Variants in KLF12 observed in about 807,000 individuals in gnomAD.
KLF12 encodes Krueppel-like factor 12.
A neutral mutation model predicts 37.8 loss-of-function variants in KLF12; 9 were observed. The ratio of observed to expected loss-of-function variants is 0.24; its 90% CI spans 0.14 to 0.42. The LOEUF is 0.42. KLF12 is among the 10% of genes least tolerant of loss of function. The pLI, the probability that KLF12 is intolerant of heterozygous loss-of-function variation, is 1.00. For missense variants in KLF12, 411 were observed against 516.0 expected, an observed-to-expected ratio of 0.80 and a Z score of 1.97; for synonymous variants, 208 against 202.1, an observed-to-expected ratio of 1.03 and a Z score of -0.25.
intron 5 of KLF12, among the ~76,000 whole-genome samples, chr13:73,791,397 T>C (rs1044520703): frequency 2.6e-5 from 4 of 152,102 alleles, no homozygotes; most frequent in African/African-American, 9.7e-5. Context: ...CTGTCATTCT[T>C]TTTTTTTCCT....
chr13:73,717,889 G>T (rs1185318725), intron 6 of KLF12, among the ~76,000 whole-genome samples: 3 of 152,142 alleles, frequency 2.0e-5, no homozygotes, highest in African/African-American at 7.2e-5. Context: ...GGTGATAACA[G>T]AGCAACAGTA....
intron 1 of KLF12, among the ~76,000 whole-genome samples, chr13:74,036,674 G>A (rs925540936): frequency 2.6e-5 from 4 of 152,182 alleles, no homozygotes; most frequent in African/African-American, 9.7e-5. Flanking sequence ...CCTGTGGTGG[G>A]ACAGGAGGCA....
intron 6 of KLF12, among the ~76,000 whole-genome samples, chr13:73,722,648 TGA>T (rs879814170): frequency 3.9e-5 from 6 of 152,228 alleles, no homozygotes; most frequent in Admixed American, 2.0e-4. Context: ...AAGCTGTGAC[TGA>T]GACATTATAT....
intron 3 of KLF12, among the ~76,000 whole-genome samples, chr13:73,853,869 C>T: frequency 6.6e-6 from 1 of 152,094 alleles, no homozygotes; most frequent in East Asian, 1.9e-4. Context: ...TTTTCTTTTA[C>T]CATATAACTA....
chr13:73,763,022 C>G (rs1011657317), intron 6 of KLF12, among the ~76,000 whole-genome samples: 1 of 152,160 alleles, frequency 6.6e-6, no homozygotes, highest in African/African-American at 2.4e-5. Context: ...TCTTTCTATG[C>G]GTGCATCAAT....
At chr13:73,833,765 G>A (rs552927115) in intron 4 of KLF12, among the ~76,000 whole-genome samples, 15 of 152,166 alleles carry the variant, frequency 9.9e-5, no homozygotes, top group Non-Finnish European at 2.1e-4. Flanking sequence ...GACGTGAGAT[G>A]TATTTGGTGG....
At chr13:73,787,438 T>C (rs191434616) in intron 5 of KLF12, among the ~76,000 whole-genome samples, 2 of 151,094 alleles carry the variant, frequency 1.3e-5, no homozygotes, top group East Asian at 3.9e-4. Context: ...AGGTCCTCAA[T>C]AGATACTTTA....
chr13:74,192,979 G>GTT, the KLF12 span, among the ~76,000 whole-genome samples: 180 of 129,850 alleles, frequency 1.4e-3, no homozygotes, highest in Middle Eastern at 4.0e-3. Context: ...AACTTTTTCT[G>GTT]TTTTTTTTTT....
intron 6 of KLF12, among the ~76,000 whole-genome samples, chr13:73,739,248 A>AATG (rs955941347): frequency 2.0e-5 from 3 of 148,412 alleles, no homozygotes; most frequent in African/African-American, 7.4e-5. Context: ...TAATAATAAT[A>AATG]ATAATAATAA....
At chr13:74,065,874 T>C (rs1030409366) in intron 1 of KLF12, among the ~76,000 whole-genome samples, 2 of 151,946 alleles carry the variant, frequency 1.3e-5, no homozygotes, top group African/African-American at 4.8e-5. Flanking sequence ...ATCTCAATCA[T>C]GAGCCCCTCA....
At chr13:74,224,486 T>C in the KLF12 span, among the ~76,000 whole-genome samples, 1 of 152,186 alleles carries the variant, frequency 6.6e-6, no homozygotes, top group Non-Finnish European at 1.5e-5. Flanking sequence ...TACGATGTGA[T>C]TAATTGATGC....
chr13:74,042,838 C>T (rs556117011), intron 1 of KLF12, among the ~76,000 whole-genome samples: 1 of 152,218 alleles, frequency 6.6e-6, no homozygotes, highest in South Asian at 2.1e-4. Flanking sequence ...TTAACTGAGG[C>T]ACAAATTAAA....
chr13:73,743,491 T>C (rs1306221062), intron 6 of KLF12, among the ~76,000 whole-genome samples: 1 of 152,214 alleles, frequency 6.6e-6, no homozygotes, highest in African/African-American at 2.4e-5. Context: ...AATATGGCTT[T>C]GCCTTAAGAC....
At chr13:74,287,147 ACC>A in the KLF12 span, among the ~76,000 whole-genome samples, 1 of 151,996 alleles carries the variant, frequency 6.6e-6, no homozygotes, top group African/African-American at 2.4e-5. Context: ...CCATCAGCCT[ACC>A]TCTTCCTTAG....
At chr13:73,879,002 G>T (rs996448174) in intron 3 of KLF12, among the ~76,000 whole-genome samples, 1 of 152,150 alleles carries the variant, frequency 6.6e-6, no homozygotes, top group Non-Finnish European at 1.5e-5. Flanking sequence ...GATATGATCT[G>T]ATTTATGTTT....
chr13:73,706,896 G>C (rs547500294), intron 7 of KLF12, among the ~76,000 whole-genome samples: 2 of 152,308 alleles, frequency 1.3e-5, no homozygotes, highest in South Asian at 4.1e-4. Context: ...TTTATTTAAT[G>C]ATTAATGCTT....
chr13:74,093,096 C>A (rs1444330861), intron 1 of KLF12, among the ~76,000 whole-genome samples: 1 of 152,188 alleles, frequency 6.6e-6, no homozygotes, highest in Non-Finnish European at 1.5e-5. Flanking sequence ...CCAAACTAAT[C>A]CTGGAGACCT....
At chr13:74,200,166 G>A in the KLF12 span, among the ~76,000 whole-genome samples, 2 of 148,122 alleles carry the variant, frequency 1.4e-5, no homozygotes, top group Non-Finnish European at 3.0e-5. Flanking sequence ...GTGGGGACAT[G>A]GCTAACCTTT....
intron 3 of KLF12, among the ~76,000 whole-genome samples, chr13:73,873,840 C>T (rs1364123281): frequency 6.6e-6 from 1 of 151,844 alleles, no homozygotes; most frequent in African/African-American, 2.4e-5. Context: ...ATAATTAATG[C>T]TGATAATGTA....
Sources: allele counts gnomAD v4.1 joint callset (sites outside exome capture counted in the v4.1 genomes callset), GRCh38; gene constraint gnomAD v4.1.1; transcripts MANE v1.5; gene names NCBI Gene and HGNC (gene_info 2026-07-23, HGNC 2026-07-21).